NRXN3: variants seen among roughly 807,000 people sequenced by gnomAD.
The protein encoded by NRXN3 is neurexin 3.
In NRXN3, 32 loss-of-function variants were observed where a neutral mutation model predicts 137.6. The ratio of observed to expected loss-of-function variants is 0.23; its 90% CI spans 0.18 to 0.31. The LOEUF is 0.31. NRXN3 is among the 10% of genes least tolerant of loss of function. The pLI is 1.00. For synonymous variants in NRXN3, 798 were observed against 784.5 expected (o/e 1.02, Z -0.29); for missense variants, 1,574 against 2,062.5 (o/e 0.76, Z 4.59).
chr14:78,264,880 C>G (rs996187648), intron 2 of NRXN3, among the ~76,000 whole-genome samples: 3 of 152,140 alleles, frequency 2.0e-5, no homozygotes, highest in African/African-American at 4.8e-5. Context: ...CGGGGGCTTC[C>G]CTCTCTCGTC....
At chr14:78,429,649 A>G (rs945273612) in intron 4 of NRXN3, among the ~76,000 whole-genome samples, 1 of 152,150 alleles carries the variant, frequency 6.6e-6, no homozygotes, top group African/African-American at 2.4e-5. Flanking sequence ...AGGGAGTTCT[A>G]TTTGTTGTGC....
intron 9 of NRXN3, among the ~76,000 whole-genome samples, chr14:78,809,586 G>T (rs550619248): frequency 6.6e-6 from 1 of 152,166 alleles, no homozygotes; most frequent in Non-Finnish European, 1.5e-5. Flanking sequence ...ATGGGTGTTT[G>T]TGCGGTTAGC....
At chr14:79,485,341 C>T (rs1461809601) in intron 16 of NRXN3, among the ~76,000 whole-genome samples, 1 of 152,080 alleles carries the variant, frequency 6.6e-6, no homozygotes, top group Non-Finnish European at 1.5e-5. Flanking sequence ...TTTCTTCTCC[C>T]CACCACCCCC....
chr14:79,599,364 C>T (rs1051061319), intron 16 of NRXN3, among the ~76,000 whole-genome samples: 2 of 152,100 alleles, frequency 1.3e-5, no homozygotes, highest in African/African-American at 4.8e-5. Context: ...GATTATTTCT[C>T]TTGTAAGGAA....
In NRXN3 at chr14:79,784,504, A is replaced by G. The variant is rs186363036; in HGVS notation, c.4015-20608A>G. Among the ~76,000 whole-genome samples the G allele has an allele frequency of 1.6e-3, 242 of 152,156 alleles. 1 individual carries two copies. The highest frequency in any genetic ancestry group is 5.7e-3 in the African/African-American group (235 of 41,522). ...TAAAAAGAAAGTTTATCCTTGTATC[A>G]TATAGGACTGAAGGAGATAGGCTGC... On this transcript the variant is annotated intron_variant, in intron 19 of 20. Transcript: ENST00000335750.
intron 15 of NRXN3, among the ~76,000 whole-genome samples, chr14:79,170,644 C>T (rs1331677866): frequency 6.6e-6 from 1 of 152,004 alleles, no homozygotes; most frequent in African/African-American, 2.4e-5. Context: ...AGGCTTCAGC[C>T]AAAAGAGCAT....
intron 6 of NRXN3, among the ~76,000 whole-genome samples, chr14:78,696,262 A>G (rs1261843456): frequency 6.6e-6 from 1 of 152,034 alleles, no homozygotes; most frequent in Non-Finnish European, 1.5e-5. Context: ...CTCTATTTCC[A>G]TGCTGGCTCC....
rs2099685031 is a variant in NRXN3, at chr14:79,069,627, A to G, written c.3262+81486A>G. Reference sequence around the variant, plus strand: ...ATGAGTTAAAAAGCTATGACCTGCTAATTTTTATGTATTTATTCTGTGTCC... The same window carrying G: ...ATGAGTTAAAAAGCTATGACCTGCTGATTTTTATGTATTTATTCTGTGTCC... On this transcript the variant is annotated intron_variant, in intron 15 of 20. Coordinates refer to ENST00000335750, the MANE Select transcript of NRXN3 (RefSeq NM_001330195.2). Among the ~76,000 whole-genome samples the G allele has an allele frequency of 2.0e-5, 3 of 151,974 alleles. No homozygotes were observed. In the South Asian group the frequency reaches 6.2e-4, roughly 32 times the overall value.
chr14:78,477,208 A>C (rs1325545452), intron 4 of NRXN3, among the ~76,000 whole-genome samples: 5 of 152,066 alleles, frequency 3.3e-5, no homozygotes, highest in African/African-American at 1.2e-4. Context: ...CTGGAGAATC[A>C]CTTTCCATAC....
chr14:79,501,610 A>G (rs2096827064), intron 16 of NRXN3, among the ~76,000 whole-genome samples: 1 of 152,168 alleles, frequency 6.6e-6, no homozygotes, highest in African/African-American at 2.4e-5. Context: ...GGGACTTGCC[A>G]AAGTCAAATA....
chr14:79,851,171 A>C (rs2293840), intron 20 of NRXN3, among the ~76,000 whole-genome samples: 64,943 of 151,942 alleles, frequency 0.43, 14,493 homozygotes, highest in East Asian at 0.56. Context: ...CTTATTCTTT[A>C]AGTCTCACAC....
At chr14:78,921,281 G>T (rs927589414) in intron 10 of NRXN3, among the ~76,000 whole-genome samples, 8 of 152,190 alleles carry the variant, frequency 5.3e-5, no homozygotes, top group Admixed American at 5.2e-4. Context: ...AAGGCACGGG[G>T]GATACAGTGG....
chr14:78,693,508 C>G lies in NRXN3; in HGVS notation c.1222-15709C>G, dbSNP rs560785530. Among the ~76,000 whole-genome samples the G allele has an allele frequency of 4.0e-4, 61 of 152,018 alleles. 1 individual carries two copies. The highest frequency in any genetic ancestry group is 1.4e-3 in the African/African-American group (59 of 41,454). On this transcript the variant is annotated intron_variant, in intron 6 of 20. Transcript: ENST00000335750. Reference sequence around the variant, plus strand: ...ATGATTTGGTATGAGCCAGTTTTATCAATTTAATCATCTATTTTTTATTTT... The same window carrying G: ...ATGATTTGGTATGAGCCAGTTTTATGAATTTAATCATCTATTTTTTATTTT...
intron 1 of NRXN3, among the ~76,000 whole-genome samples, chr14:78,219,333 A>G (rs537999668): frequency 1.3e-5 from 2 of 152,326 alleles, no homozygotes; most frequent in South Asian, 4.1e-4. Flanking sequence ...AGTGAGGTCC[A>G]CTGAGATTTT....
intron 6 of NRXN3, among the ~76,000 whole-genome samples, chr14:78,691,991 C>T (rs2098175408): frequency 6.6e-6 from 1 of 152,050 alleles, no homozygotes; most frequent in African/African-American, 2.4e-5. Flanking sequence ...TATAGAAGTT[C>T]CCAGAAAGGT....
Position 78,243,867 on chromosome 14 carries a change from T to C in NRXN3, c.709+65T>C. The C allele has an allele frequency of 8.2e-7, 1 of 1,217,418 alleles. No individual in the cohort carries two copies. Among genetic ancestry groups the C allele is most frequent in the South Asian group, 1.4e-5 (1 of 69,768 alleles). 75.4% of individuals were successfully genotyped at this position (1,217,418 alleles called of 1,614,324 possible). On this transcript the variant is annotated intron_variant, in intron 2 of 20. Coordinates refer to ENST00000335750, the MANE Select transcript of NRXN3 (RefSeq NM_001330195.2). The surrounding 1 kb of genome is among the most constrained non-coding windows in gnomAD (Gnocchi z 4.2). ...GGATGGCTGAGGCTGGGGCTCCTGA[T>C]ACAAACCAGTTCTATATGGATGCAT...
At chr14:79,697,521 C>G in intron 18 of NRXN3, 109 bp from the exon 19 acceptor site, 1 of 1,189,370 alleles carries the variant, frequency 8.4e-7, no homozygotes, top group Non-Finnish European at 1.2e-6. Context: ...TTTTCCTCCC[C>G]TTCAATTGCT....
intron 8 of NRXN3, among the ~76,000 whole-genome samples, chr14:78,769,296 C>A (rs1161701076): frequency 6.6e-6 from 1 of 152,158 alleles, no homozygotes. Flanking sequence ...TCCAAATTTC[C>A]CCCTTCCTGT....
chr14:79,122,025 G>T (rs2055530735), intron 15 of NRXN3, among the ~76,000 whole-genome samples: 1 of 152,174 alleles, frequency 6.6e-6, no homozygotes, highest in South Asian at 2.1e-4. Context: ...TATCTTCTCA[G>T]AGGATGATCA....
Sources: allele counts gnomAD v4.1 joint callset (sites outside exome capture counted in the v4.1 genomes callset), GRCh38; gene constraint gnomAD v4.1.1; non-coding constraint Gnocchi (gnomAD v3.1); transcripts MANE v1.5; gene names NCBI Gene and HGNC (gene_info 2026-07-23, HGNC 2026-07-21).